The following CAST variants were observed in gnomAD, a reference collection of about 807,000 sequenced individuals.
CAST encodes the protein calpastatin, also known as MIR583 host.
Under a neutral mutation model 119.6 loss-of-function variants are expected in CAST, and 76 were observed. The ratio of observed to expected loss-of-function variants is 0.64; its 90% CI spans 0.53 to 0.77. The LOEUF is 0.77. Ranked by LOEUF, CAST falls within the 30% of genes least tolerant of loss-of-function variation. The pLI is 0.00. For missense variants in CAST, 953 were observed against 946.5 expected (o/e 1.01, Z -0.09); for synonymous variants, 319 against 331.6 (o/e 0.96, Z 0.41).
At chr5:96,428,854 A>T in the CAST span, among the ~76,000 whole-genome samples, 1 of 152,132 alleles carries the variant, frequency 6.6e-6, no homozygotes, top group Non-Finnish European at 1.5e-5. Context: ...TTGTTGATTG[A>T]CTGTATTGTC....
intron 1 of CAST, among the ~76,000 whole-genome samples, chr5:96,571,923 T>C (rs1276138121): frequency 1.3e-5 from 2 of 152,186 alleles, no homozygotes; most frequent in African/African-American, 2.4e-5. Context: ...ATGTGTATCA[T>C]TAAATATATT....
the CAST span, among the ~76,000 whole-genome samples, chr5:96,428,287 T>C: frequency 1.3e-5 from 2 of 152,226 alleles, no homozygotes; most frequent in African/African-American, 2.4e-5. Context: ...GTTGAAAGGA[T>C]GTTTTTAATC....
intron 1 of CAST, among the ~76,000 whole-genome samples, chr5:96,656,907 T>C (rs1580860220): frequency 6.6e-6 from 1 of 151,602 alleles, no homozygotes; most frequent in African/African-American, 2.4e-5. Context: ...CCCAAATGAC[T>C]TTGAGTATTA....
At chr5:96,229,429 A>T in the CAST span, among the ~76,000 whole-genome samples, 6 of 152,120 alleles carry the variant, frequency 3.9e-5, no homozygotes, top group African/African-American at 1.4e-4. Flanking sequence ...GAAAGCATCC[A>T]TTGGAAAAAA....
intron 1 of CAST, among the ~76,000 whole-genome samples, chr5:96,590,755 ATAAG>A (rs1182232545): frequency 2.0e-5 from 3 of 152,224 alleles, no homozygotes; most frequent in Non-Finnish European, 2.9e-5. Context: ...GCAAAGTTAA[ATAAG>A]TAAGATCTGC....
At chr5:96,471,633 C>T in the CAST span, among the ~76,000 whole-genome samples, 1 of 152,080 alleles carries the variant, frequency 6.6e-6, no homozygotes, top group Non-Finnish European at 1.5e-5. Flanking sequence ...CAAAAGAATA[C>T]TTTAAGTGAC....
the CAST span, among the ~76,000 whole-genome samples, chr5:96,492,903 G>A: frequency 3.3e-5 from 5 of 152,208 alleles, no homozygotes; most frequent in South Asian, 2.1e-4. Flanking sequence ...ATCAAATGAC[G>A]CAGGTTAGAG....
At chr5:96,286,411 T>A in the CAST span, among the ~76,000 whole-genome samples, 1 of 152,152 alleles carries the variant, frequency 6.6e-6, no homozygotes, top group Admixed American at 6.5e-5. Context: ...TTTAGAGAAA[T>A]CTTCCTTCAC....
the CAST span, among the ~76,000 whole-genome samples, chr5:96,175,845 T>C: frequency 6.6e-6 from 1 of 152,232 alleles, no homozygotes; most frequent in African/African-American, 2.4e-5. Flanking sequence ...CTGGTTATTT[T>C]TCTTAAATAT....
the CAST span, among the ~76,000 whole-genome samples, chr5:95,992,263 C>G: frequency 3.3e-5 from 5 of 152,134 alleles, no homozygotes; most frequent in African/African-American, 1.2e-4. Context: ...ATTGTCCTCC[C>G]AACCGATACA....
intron 2 of CAST, among the ~76,000 whole-genome samples, chr5:96,689,612 G>A (rs1169859637): frequency 6.6e-6 from 1 of 152,172 alleles, no homozygotes; most frequent in Non-Finnish European, 1.5e-5. Context: ...GCGCCTTATG[G>A]CAACCCCATT....
chr5:96,757,404 G>A (rs763333292), intron 22 of CAST, 40 bp from the exon 23 acceptor site: 3 of 1,577,604 alleles, frequency 1.9e-6, no homozygotes, highest in Admixed American at 3.3e-5. Flanking sequence ...TGGATAAAAT[G>A]TAAAATGATT....
chr5:96,489,508 A>G, the CAST span, among the ~76,000 whole-genome samples: 1 of 152,244 alleles, frequency 6.6e-6, no homozygotes, highest in Non-Finnish European at 1.5e-5. Context: ...ACAGACTTAC[A>G]TATGCTACAC....
At chr5:96,626,821 C>G (rs1747733431) in intron 1 of CAST, among the ~76,000 whole-genome samples, 1 of 152,200 alleles carries the variant, frequency 6.6e-6, no homozygotes, top group African/African-American at 2.4e-5. Context: ...AGGCCTGGGA[C>G]AGTACCCACG....
chr5:96,561,695 A>G (rs1397294742), intron 1 of CAST, among the ~76,000 whole-genome samples: 1 of 151,986 alleles, frequency 6.6e-6, no homozygotes, highest in Non-Finnish European at 1.5e-5. Context: ...CATGTAACCC[A>G]GAACTTAAAG....
the CAST span, chr5:96,410,658 A>T: frequency 7.0e-5 from 62 of 879,478 alleles, no homozygotes; most frequent in Non-Finnish European, 1.1e-4. Flanking sequence ...AGTTCTCCCA[A>T]CTGAGACATC....
At chr5:96,424,076 G>A in the CAST span, among the ~76,000 whole-genome samples, 4 of 152,194 alleles carry the variant, frequency 2.6e-5, no homozygotes, top group African/African-American at 9.7e-5. Flanking sequence ...CAGAGTGTGG[G>A]ACTGTACAGG....
chr5:96,365,966 C>A, the CAST span, among the ~76,000 whole-genome samples: 3,128 of 152,194 alleles, frequency 0.021, 100 homozygotes, highest in African/African-American at 0.072. Flanking sequence ...TGGCTGGTAC[C>A]AGTTGTTCCT....
At chr5:96,634,299 A>T (rs1244741210) in intron 1 of CAST, among the ~76,000 whole-genome samples, 1 of 152,178 alleles carries the variant, frequency 6.6e-6, no homozygotes, top group Non-Finnish European at 1.5e-5. Flanking sequence ...TTGTTCTTCT[A>T]CTCATTGATT....
Sources: gnomAD v4.1 joint callset for allele counts (sites outside exome capture counted in the v4.1 genomes callset) on GRCh38, gnomAD v4.1.1 for gene constraint, MANE v1.5 for transcripts, NCBI Gene and HGNC (gene_info 2026-07-23, HGNC 2026-07-21) for gene names.